OSBPL11: variants seen among roughly 807,000 people sequenced by gnomAD.
The protein encoded by OSBPL11 is oxysterol binding protein like 11.
In OSBPL11, 33 loss-of-function variants were observed where a neutral mutation model predicts 84.4. The ratio of observed to expected loss-of-function variants is 0.39; its 90% confidence interval spans 0.30 to 0.52. OSBPL11 has a LOEUF of 0.52. Ranked by LOEUF, OSBPL11 falls within the 20% of genes least tolerant of loss-of-function variation. OSBPL11 has a pLI of 0.72. For synonymous variants in OSBPL11, 276 were observed against 310.2 expected (o/e 0.89, Z 1.16); for missense variants, 736 against 901.1 (o/e 0.82, Z 2.35).
chr3:125,550,392 C>CAT (rs1935883496), intron 9 of OSBPL11, among the ~76,000 whole-genome samples: 1 of 146,402 alleles, frequency 6.8e-6, no homozygotes, highest in South Asian at 2.2e-4. Flanking sequence ...CACACACACA[C>CAT]ACACACACAC....
chr3:125,566,453 C>T (rs1049032485), intron 6 of OSBPL11, among the ~76,000 whole-genome samples: 8 of 152,058 alleles, frequency 5.3e-5, no homozygotes, highest in East Asian at 1.9e-4. Context: ...GTTTGTTGGC[C>T]GGAATTGTTG....
chr3:125,572,258 G>A (rs577308849), intron 5 of OSBPL11, among the ~76,000 whole-genome samples: 8 of 152,298 alleles, frequency 5.3e-5, no homozygotes, highest in African/African-American at 1.9e-4. Flanking sequence ...TTATATCTAG[G>A]AAGTAGCTAA....
intron 5 of OSBPL11, among the ~76,000 whole-genome samples, chr3:125,571,508 G>T (rs1936241913): frequency 6.6e-6 from 1 of 152,080 alleles, no homozygotes; most frequent in African/African-American, 2.4e-5. Flanking sequence ...CTCATCATAG[G>T]CCCGGAGGCC....
intron 5 of OSBPL11, among the ~76,000 whole-genome samples, chr3:125,574,298 A>T (rs902521644): frequency 3.9e-5 from 6 of 152,212 alleles, no homozygotes; most frequent in Non-Finnish European, 8.8e-5. Context: ...AATTTACTGA[A>T]GAATGTCCTT....
intron 8 of OSBPL11, among the ~76,000 whole-genome samples, chr3:125,556,388 T>C (rs1935991970): frequency 6.6e-6 from 1 of 152,218 alleles, no homozygotes; most frequent in African/African-American, 2.4e-5. Flanking sequence ...CTGTCTGGAT[T>C]GGCTGAAGAT....
At chr3:125,572,198 CT>C (rs887994802) in intron 5 of OSBPL11, among the ~76,000 whole-genome samples, 1 of 152,166 alleles carries the variant, frequency 6.6e-6, no homozygotes, top group African/African-American at 2.4e-5. Flanking sequence ...TTGTTTTGGC[CT>C]TTTTCTCCCA....
Position 125,530,445 on chromosome 3 carries a change from G to C in OSBPL11, c.*70C>G. The C allele has an allele frequency of 7.2e-7, 1 of 1,388,118 alleles. No individual in the cohort carries two copies. The highest frequency in any genetic ancestry group is 2.3e-5 in the East Asian group (1 of 43,830). 86.0% of individuals were successfully genotyped at this position (1,388,118 alleles called of 1,614,324 possible). ...CAGGAAGCAGGTCACTCAGTGCAATGACTCCATTCTGGGAGGATTTAGGGT... is the reference window on the plus strand; with the variant it reads ...CAGGAAGCAGGTCACTCAGTGCAATCACTCCATTCTGGGAGGATTTAGGGT... On this transcript the variant is annotated 3_prime_UTR_variant, in exon 13 of 13. Transcript: ENST00000296220.
intron 7 of OSBPL11, 32 bp downstream of exon 7, chr3:125,563,666 C>A (rs755690947): frequency 1.9e-6 from 3 of 1,607,476 alleles, no homozygotes; most frequent in South Asian, 1.1e-5. Flanking sequence ...CCTAATTTTT[C>A]ACATCAAAAT....
intron 1 of OSBPL11, 81 bp downstream of exon 1, chr3:125,594,556 C>G: frequency 8.0e-6 from 12 of 1,499,660 alleles, no homozygotes; most frequent in African/African-American, 1.4e-5. Flanking sequence ...TTTTATCTTT[C>G]AACAATTGCG....
chr3:125,580,103 C>A (rs1467826873), intron 2 of OSBPL11, 63 bp from the exon 3 acceptor site: 3 of 1,394,128 alleles, frequency 2.2e-6, no homozygotes, highest in Non-Finnish European at 3.0e-6. Flanking sequence ...TAAAGCAAAG[C>A]AAACTTCAAT....
At chr3:125,580,764 G>A (rs1261816060) in intron 2 of OSBPL11, among the ~76,000 whole-genome samples, 3 of 152,084 alleles carry the variant, frequency 2.0e-5, no homozygotes, top group Non-Finnish European at 4.4e-5. Flanking sequence ...TATGAGCTCT[G>A]AGGTTAAGGC....
chr3:125,579,905 G>A lies in OSBPL11; in HGVS notation c.369C>T (p.Phe123=), dbSNP rs762233482. The change falls in exon 3 of 13, where the codon TTC becomes TTT. Residue 123 remains phenylalanine (F), a synonymous_variant. Coordinates refer to ENST00000296220, the MANE Select transcript of OSBPL11 (RefSeq NM_022776.5). ...ISPSDEDSHT[F]TVNAASGEQY... is the part of the protein sequence containing the mutation. ...GTTCCCCACTGGCAGCGTTTACAGT[G>A]AAGGTGTGAGAATCCTCATCACTGG... is the stretch of plus-strand genomic sequence containing the variant. The A allele has an allele frequency of 5.0e-6, 8 of 1,614,102 alleles. No homozygotes were observed. Among genetic ancestry groups the A allele is most frequent in the South Asian group, 3.3e-5 (3 of 91,092 alleles).
intron 2 of OSBPL11, 114 bp from the exon 3 acceptor site, chr3:125,580,154 T>G: frequency 1.1e-6 from 1 of 883,878 alleles, no homozygotes; most frequent in Non-Finnish European, 1.7e-6. Flanking sequence ...AAATAAAATT[T>G]AAAAGCATTT....
At chr3:125,532,233 T>C (rs1935569759) in intron 11 of OSBPL11, among the ~76,000 whole-genome samples, 1 of 152,228 alleles carries the variant, frequency 6.6e-6, no homozygotes, top group Non-Finnish European at 1.5e-5. Flanking sequence ...AAATAATTTG[T>C]ATTTTTCCAG....
chr3:125,580,347 T>C (rs1258384687), intron 2 of OSBPL11, among the ~76,000 whole-genome samples: 2 of 151,840 alleles, frequency 1.3e-5, no homozygotes. Context: ...AAACCCCATC[T>C]CTACTAAAAA....
chr3:125,589,342 C>CAAAAAA (rs35267505), intron 1 of OSBPL11, among the ~76,000 whole-genome samples: 5 of 61,960 alleles, frequency 8.1e-5, no homozygotes, highest in African/African-American at 1.6e-4. Context: ...AACTCCATCT[C>CAAAAAA]AAAAAAAAAA....
chr3:125,535,036 T>C (rs1935620466), intron 11 of OSBPL11, among the ~76,000 whole-genome samples: 1 of 136,760 alleles, frequency 7.3e-6, no homozygotes, highest in Non-Finnish European at 1.6e-5. Flanking sequence ...CAAAATTCAA[T>C]GAGAAAGAAA....
intron 10 of OSBPL11, among the ~76,000 whole-genome samples, chr3:125,539,300 C>CATATATATATATATATATAT (rs10678056): frequency 1.5e-5 from 1 of 67,808 alleles, no homozygotes; most frequent in South Asian, 5.2e-4. Flanking sequence ...TCACCACAGC[C>CATATATATATATATATATAT]ATATATATAT....
chr3:125,536,411 GTTCA>G (rs1935640536), intron 11 of OSBPL11, among the ~76,000 whole-genome samples: 1 of 152,026 alleles, frequency 6.6e-6, no homozygotes, highest in African/African-American at 2.4e-5. Context: ...AAAAATACTG[GTTCA>G]TTGAGTTATG....
Sources: allele counts gnomAD v4.1 joint callset (sites outside exome capture counted in the v4.1 genomes callset), GRCh38; gene constraint gnomAD v4.1.1; transcripts MANE v1.5; gene names NCBI Gene and HGNC (gene_info 2026-07-23, HGNC 2026-07-21).